LRRC18: variants seen among roughly 807,000 people sequenced by gnomAD.
LRRC18 encodes leucine rich repeat containing 18.
LRRC18 carries 12 observed loss-of-function variants against 11.2 expected under a neutral mutation model. That is an observed-to-expected ratio of 1.07 (90% CI 0.69 to 1.74). LRRC18 has a LOEUF of 1.74. Ranked by LOEUF, LRRC18 falls within the 40% of genes most tolerant of loss-of-function variation. The pLI, the probability that LRRC18 is intolerant of heterozygous loss-of-function variation, is 0.00. For synonymous variants in LRRC18, 155 were observed against 130.6 expected (o/e 1.19, Z -1.27); for missense variants, 374 against 330.5 (o/e 1.13, Z -1.02).
At chr10:48,929,906 C>A in the LRRC18 span, among the ~76,000 whole-genome samples, 2 of 152,112 alleles carry the variant, frequency 1.3e-5, no homozygotes, top group Admixed American at 1.3e-4. Flanking sequence ...CTGACCTTCC[C>A]CCACACACTG....
chr10:48,933,277 A>G, the LRRC18 span, among the ~76,000 whole-genome samples: 6 of 152,318 alleles, frequency 3.9e-5, no homozygotes, highest in African/African-American at 1.4e-4. Flanking sequence ...GCCCAGCACA[A>G]AGTCTAAGTG....
At chr10:48,925,755 G>T in the LRRC18 span, among the ~76,000 whole-genome samples, 1 of 152,026 alleles carries the variant, frequency 6.6e-6, no homozygotes, top group Non-Finnish European at 1.5e-5. Flanking sequence ...AATCTTACAG[G>T]GACTCCACAG....
chr10:48,914,227 G>C, exon 1 of LRRC18: 1 of 1,485,222 alleles, frequency 6.7e-7, no homozygotes, highest in Admixed American at 2.0e-5. Context: ...GAAAAATCAT[G>C]AAAAACTGCT....
chr10:48,926,665 A>G, the LRRC18 span, among the ~76,000 whole-genome samples: 16 of 152,212 alleles, frequency 1.1e-4, no homozygotes, highest in African/African-American at 3.9e-4. Context: ...TCATAGATGT[A>G]CCATATATAT....
At chr10:48,929,060 A>G in the LRRC18 span, among the ~76,000 whole-genome samples, 1 of 152,174 alleles carries the variant, frequency 6.6e-6, no homozygotes, top group Non-Finnish European at 1.5e-5. Flanking sequence ...GAGTTGGAAG[A>G]TGCGCTTTTT....
chr10:48,914,008 T>C (rs772663121), exon 1 of LRRC18: 11 of 1,614,082 alleles, frequency 6.8e-6, no homozygotes, highest in Middle Eastern at 1.6e-4. Flanking sequence ...TCCATGTCAC[T>C]AAGGCGCAGA....
chr10:48,913,955 G>T, exon 1 of LRRC18: 2 of 1,614,184 alleles, frequency 1.2e-6, no homozygotes, highest in Non-Finnish European at 1.7e-6. Flanking sequence ...TGGAGATGGA[G>T]TCAGGGATCT....
the LRRC18 span, among the ~76,000 whole-genome samples, chr10:48,930,962 G>T: frequency 6.6e-6 from 1 of 152,036 alleles, no homozygotes; most frequent in Non-Finnish European, 1.5e-5. Context: ...GCTCTCTGAA[G>T]GGACGGTACT....
the LRRC18 span, among the ~76,000 whole-genome samples, chr10:48,938,486 G>A: frequency 6.6e-6 from 1 of 152,238 alleles, no homozygotes; most frequent in African/African-American, 2.4e-5. Context: ...GCCAGCCCCC[G>A]ATGGAGGAAG....
At chr10:48,917,903 G>A (rs1053029205), upstream of LRRC18, among the ~76,000 whole-genome samples, 3 of 152,188 alleles carry the variant, frequency 2.0e-5, no homozygotes, top group African/African-American at 7.2e-5. Context: ...ACTGTGTGAT[G>A]GAGTTGTCAA....
At chr10:48,919,282 C>A in the LRRC18 span, among the ~76,000 whole-genome samples, 3 of 151,834 alleles carry the variant, frequency 2.0e-5, no homozygotes, top group African/African-American at 7.3e-5. Flanking sequence ...GTACAAACAA[C>A]TCTAAAAAAA....
intron 1 of LRRC18, chr10:48,910,770 T>C (rs1837925570): frequency 4.5e-6 from 1 of 222,158 alleles, no homozygotes; most frequent in South Asian, 1.6e-4. Flanking sequence ...CTGGAGTGAG[T>C]GTCAGGCCAG....
chr10:48,913,591 T>C, exon 1 of LRRC18: 1 of 1,614,178 alleles, frequency 6.2e-7, no homozygotes, highest in African/African-American at 1.3e-5. Context: ...ATGGAGTCTA[T>C]GAATATTTCC....
the LRRC18 span, among the ~76,000 whole-genome samples, chr10:48,929,242 G>C: frequency 6.6e-6 from 1 of 151,908 alleles, no homozygotes; most frequent in East Asian, 1.9e-4. Flanking sequence ...GGAGGACAGA[G>C]GAAGAAAGAA....
At chr10:48,937,626 C>T in the LRRC18 span, among the ~76,000 whole-genome samples, 16 of 152,332 alleles carry the variant, frequency 1.1e-4, no homozygotes, top group African/African-American at 3.8e-4. Flanking sequence ...TTCACACTTT[C>T]TAACAGGTTA....
In LRRC18 at chr10:48,913,675, C is replaced by T. The variant is rs183039954; in HGVS notation, c.481G>A (p.Val161Met). The stretch of plus-strand genomic sequence containing the variant: ...AGCTTGGGGAGCTTGGAGATGCTCA[C>T]GGGGATGTTGTTCAGTAGGTTGTCA... The change falls in exon 1 of 2, where the codon GTG (valine) becomes ATG (methionine). Residue 161 changes from valine to methionine, a missense_variant. Physicochemically the swap from Val to Met is conservative, Grantham distance 21. Transcript: ENST00000374160. 107 of 1,613,442 alleles carry T rather than the reference C, an allele frequency of 6.6e-5. 1 individual carries two copies. The highest frequency in any genetic ancestry group is 4.0e-4 in the East Asian group (18 of 44,848).
the LRRC18 span, among the ~76,000 whole-genome samples, chr10:48,920,241 G>A: frequency 6.6e-6 from 1 of 151,966 alleles, no homozygotes; most frequent in Non-Finnish European, 1.5e-5. Flanking sequence ...CTGGCTAAAG[G>A]ACGTCCACAA....
chr10:48,925,413 A>G, the LRRC18 span, among the ~76,000 whole-genome samples: 4 of 152,196 alleles, frequency 2.6e-5, no homozygotes, highest in Admixed American at 2.6e-4. Flanking sequence ...TGAAATCAGC[A>G]CTAACTTTTG....
At chr10:48,911,640 A>G (rs1838013171) in intron 1 of LRRC18, among the ~76,000 whole-genome samples, 1 of 152,234 alleles carries the variant, frequency 6.6e-6, no homozygotes, top group South Asian at 2.1e-4. Context: ...GACAGAAATG[A>G]CAGGAATGCT....
Sources: gnomAD v4.1 joint callset for allele counts (sites outside exome capture counted in the v4.1 genomes callset) on GRCh38, gnomAD v4.1.1 for gene constraint, MANE v1.5 for transcripts, NCBI Gene and HGNC (gene_info 2026-07-23, HGNC 2026-07-21) for gene names.